PRPSAP2: variants seen among roughly 807,000 people sequenced by gnomAD.
The protein encoded by PRPSAP2 is phosphoribosyl pyrophosphate synthetase associated protein 2.
A neutral mutation model predicts 40.6 loss-of-function variants in PRPSAP2; 24 were observed. The ratio of observed to expected loss-of-function variants is 0.59; its 90% confidence interval spans 0.43 to 0.83. The LOEUF is 0.83. Among genes scored for constraint, PRPSAP2 ranks in the 40% least tolerant of loss-of-function variants. The pLI, the probability that PRPSAP2 is intolerant of heterozygous loss-of-function variation, is 0.00. For missense variants in PRPSAP2, 292 were observed against 465.6 expected, an observed-to-expected ratio of 0.63 and a Z score of 3.43; for synonymous variants, 149 against 164.7, an observed-to-expected ratio of 0.90 and a Z score of 0.73.
rs572089936 is a variant in PRPSAP2 at position 18,878,396 on chromosome 17, T to C, written c.412+526T>C. ...CCGTGCCTGCCTAGATAGGCATATA[T>C]TGGAAAAGATACATATTATTCTGTG... On this transcript the variant is annotated intron_variant, in intron 6 of 11. Coordinates refer to ENST00000268835, the MANE Select transcript of PRPSAP2 (RefSeq NM_002767.4). 2.0e-5 allele frequency among the ~76,000 whole-genome samples: 3 copies of C among 152,324 alleles called. No homozygotes were observed. The South Asian group carries it at 6.2e-4, about 32-fold the overall frequency.
chr17:18,903,982 A>G (rs1365269196), intron 8 of PRPSAP2, among the ~76,000 whole-genome samples: 1 of 152,128 alleles, frequency 6.6e-6, no homozygotes, highest in Non-Finnish European at 1.5e-5. Flanking sequence ...TTGGCAGCCA[A>G]CCTTAGAAAA....
upstream of PRPSAP2, chr17:18,857,825 G>C: frequency 6.6e-6 from 1 of 152,342 alleles, no homozygotes; most frequent in East Asian, 1.9e-4. Context: ...CTTGTCCAAG[G>C]TTACAGGCCA....
upstream of PRPSAP2, among the ~76,000 whole-genome samples, chr17:18,857,093 G>A (rs1597479885): frequency 6.6e-6 from 1 of 152,136 alleles, no homozygotes. Flanking sequence ...CAGGACTTTA[G>A]GAGGCGGAGG....
intron 5 of PRPSAP2, among the ~76,000 whole-genome samples, chr17:18,874,656 A>G (rs77515504): frequency 0.073 from 11,045 of 152,254 alleles, 436 homozygotes; most frequent in Admixed American, 0.098. Context: ...TTCTGCTGTG[A>G]CACCCAGGAT....
chr17:18,871,764 G>A (rs1366714710), intron 4 of PRPSAP2, among the ~76,000 whole-genome samples: 1 of 151,148 alleles, frequency 6.6e-6, no homozygotes, highest in Admixed American at 6.6e-5. Context: ...GGGTTCAAGC[G>A]ATTCTCCTGC....
chr17:18,900,540 G>A (rs1429478570), intron 8 of PRPSAP2, among the ~76,000 whole-genome samples: 5 of 152,092 alleles, frequency 3.3e-5, no homozygotes, highest in African/African-American at 1.2e-4. Flanking sequence ...GGCCTTTAGT[G>A]TGGCGAGTGG....
chr17:18,913,204 C>A (rs2041068557), intron 9 of PRPSAP2, among the ~76,000 whole-genome samples: 1 of 152,280 alleles, frequency 6.6e-6, no homozygotes, highest in Non-Finnish European at 1.5e-5. Flanking sequence ...TCTGCTTGGG[C>A]CCTGGCACTC....
At chr17:18,900,009 C>T (rs1476906380) in intron 8 of PRPSAP2, among the ~76,000 whole-genome samples, 1 of 152,188 alleles carries the variant, frequency 6.6e-6, no homozygotes, top group African/African-American at 2.4e-5. Context: ...GCCTCAGCCT[C>T]CTGAGGAGCT....
intron 7 of PRPSAP2, among the ~76,000 whole-genome samples, chr17:18,885,674 C>A (rs12600722): frequency 0.53 from 80,204 of 151,516 alleles, 21,466 homozygotes; most frequent in Middle Eastern, 0.6. Context: ...AGCAACCTCC[C>A]CCTCCCAGGT....
At chr17:18,868,890 A>G (rs2037633107) in intron 4 of PRPSAP2, among the ~76,000 whole-genome samples, 1 of 152,098 alleles carries the variant, frequency 6.6e-6, no homozygotes, top group Admixed American at 6.6e-5. Flanking sequence ...TTTACATATT[A>G]TAAAGCCTAC....
At chr17:18,862,322 A>G (rs1439178241) in intron 1 of PRPSAP2, among the ~76,000 whole-genome samples, 2 of 152,180 alleles carry the variant, frequency 1.3e-5, no homozygotes, top group African/African-American at 4.8e-5. Context: ...CAAAAGATTT[A>G]GGAGGGATGG....
At chr17:18,871,661 T>TA (rs2151893245) in intron 4 of PRPSAP2, among the ~76,000 whole-genome samples, 1 of 32,444 alleles carries the variant, frequency 3.1e-5, no homozygotes, top group South Asian at 5.5e-4. Flanking sequence ...TTCTTTTTTT[T>TA]TTTTTTTTTT....
intron 3 of PRPSAP2, 148 bp downstream of exon 3, chr17:18,866,100 T>C (rs559554657): frequency 1.9e-6 from 1 of 531,640 alleles, no homozygotes; most frequent in African/African-American, 2.0e-5. Flanking sequence ...TATCTTTTTT[T>C]TCATCATGCA....
chr17:18,886,027 T>C lies in PRPSAP2; in HGVS notation c.528+3344T>C, dbSNP rs142628249. Among the ~76,000 whole-genome samples the C allele has an allele frequency of 1.0e-3, 157 of 152,294 alleles. 1 individual carries two copies. Among genetic ancestry groups the C allele is most frequent in the Middle Eastern group, 6.8e-3 (2 of 294 alleles). ...CATGAGCTACTACACCTGGCCTGTA[T>C]TGCCTTTTTATAGTATACGTATCTT... On this transcript the variant is annotated intron_variant, in intron 7 of 11. Coordinates refer to ENST00000268835, the MANE Select transcript of PRPSAP2 (RefSeq NM_002767.4).
intron 8 of PRPSAP2, chr17:18,908,605 A>G (rs2040752482): frequency 2.8e-6 from 2 of 724,200 alleles, no homozygotes; most frequent in Non-Finnish European, 5.1e-6. Flanking sequence ...GAAGCCCAAC[A>G]TGGGTAGTGA....
chr17:18,929,010 T>C, intron 11 of PRPSAP2, 53 bp downstream of exon 11: 3 of 1,573,612 alleles, frequency 1.9e-6, no homozygotes, highest in Non-Finnish European at 2.6e-6. Flanking sequence ...TTGGCACATC[T>C]TGATCTTTAG....
chr17:18,908,448 A>T, intron 8 of PRPSAP2: 1 of 759,338 alleles, frequency 1.3e-6, no homozygotes, highest in Non-Finnish European at 2.5e-6. Flanking sequence ...TTTGCCTCAG[A>T]GAAGGATCTC....
intron 9 of PRPSAP2, among the ~76,000 whole-genome samples, chr17:18,915,981 G>A (rs1280686080): frequency 1.3e-5 from 2 of 151,846 alleles, no homozygotes; most frequent in African/African-American, 2.4e-5. Flanking sequence ...CACCACACCC[G>A]GCTAATTTTT....
At chr17:18,871,653 C>CTTTTTTTTTTTTTTTTTTTTTTTTTTTTT (rs142523345) in intron 4 of PRPSAP2, among the ~76,000 whole-genome samples, 3 of 129,784 alleles carry the variant, frequency 2.3e-5, no homozygotes, top group Non-Finnish European at 3.3e-5. Context: ...ATATAATTTT[C>CTTTTTTTTTTTTTTTTTTTTTTTTTTTTT]TTTTTTTTTT....
Sources: allele counts gnomAD v4.1 joint callset (sites outside exome capture counted in the v4.1 genomes callset), GRCh38; gene constraint gnomAD v4.1.1; transcripts MANE v1.5; gene names NCBI Gene and HGNC (gene_info 2026-07-23, HGNC 2026-07-21).